Variants in COQ3 observed in about 807,000 individuals in gnomAD.
COQ3 encodes the protein coenzyme Q3, methyltransferase, also known as ubiquinone biosynthesis O-methyltransferase, mitochondrial.
A neutral mutation model predicts 33.1 loss-of-function variants in COQ3; 29 were observed. That is an observed-to-expected ratio of 0.88 (90% CI 0.65 to 1.19). The LOEUF (loss-of-function observed/expected upper bound fraction) is 1.19, where lower values mean the gene tolerates loss of function less well. Among genes scored for constraint, COQ3 ranks in the 50% most tolerant of loss-of-function variants. The pLI, the probability that COQ3 is intolerant of heterozygous loss-of-function variation, is 0.00. For synonymous variants in COQ3, 173 were observed against 157.8 expected, an observed-to-expected ratio of 1.10 and a Z score of -0.72; for missense variants, 437 against 430.7, an observed-to-expected ratio of 1.01 and a Z score of -0.13.
At chr6:99,393,971 C>A in intron 1 of COQ3, 103 bp downstream of exon 1, 3 of 926,832 alleles carry the variant, frequency 3.2e-6, no homozygotes, top group Admixed American at 1.9e-5. Flanking sequence ...GCTGACCCCT[C>A]GCGAGGTCCA....
chr6:99,384,311 ATT>A (rs1156756958), intron 1 of COQ3, among the ~76,000 whole-genome samples: 1 of 152,206 alleles, frequency 6.6e-6, no homozygotes, highest in African/African-American at 2.4e-5. Flanking sequence ...AAGGTCTTAC[ATT>A]CTGGTATCTA....
At chr6:99,375,453 G>A (rs1227337002) in intron 5 of COQ3, among the ~76,000 whole-genome samples, 1 of 149,410 alleles carries the variant, frequency 6.7e-6, no homozygotes, top group African/African-American at 2.5e-5. Context: ...ACACGATCTC[G>A]CCTCACTGCA....
rs779755806 is a variant in COQ3, at chr6:99,376,171, C to T, written c.498G>A (p.Arg166=). The T allele has an allele frequency of 6.2e-7, 1 of 1,613,806 alleles. No homozygotes were observed. The highest frequency in any genetic ancestry group is 8.5e-7 in the Non-Finnish European group (1 of 1,179,998). ...CGATTCCAATAACTGAAGCCCCAAGCCGCCCTAGAGGCTAATGGCATTAAA... is the reference window on the plus strand; with the variant it reads ...CGATTCCAATAACTGAAGCCCCAAGTCGCCCTAGAGGCTAATGGCATTAAA... The part of the protein sequence containing the change: ...GGGLLTEPLG[R]LGASVIGIDP... Residue 166 remains arginine, a synonymous_variant, in exon 5 of 7, where the codon CGG becomes CGA. Coordinates refer to ENST00000254759, the MANE Select transcript of COQ3 (RefSeq NM_017421.4).
intron 1 of COQ3, among the ~76,000 whole-genome samples, chr6:99,389,155 C>T (rs1774751782): frequency 6.6e-6 from 1 of 152,110 alleles, no homozygotes; most frequent in Non-Finnish European, 1.5e-5. Context: ...GGGTCTCTCA[C>T]TCTGTCGCCC....
Position 99,371,506 on chromosome 6 carries a change from C to A in COQ3, c.811G>T (p.Ala271Ser), listed in dbSNP as rs1407934707. Residue 271 changes from alanine to serine, a missense_variant, in exon 6 of 7, where the codon GCA becomes TCA. Transcript: ENST00000254759. ...ALGIVFSEQIASIVPKGTHTW... is the reference protein window; with the variant it reads ...ALGIVFSEQISSIVPKGTHTW... ...TGAGTACCTTTTGGTACAATACTTGCAATTTGCTCTGAAAAAACAATTCCC... is the reference window on the plus strand; with the variant it reads ...TGAGTACCTTTTGGTACAATACTTGAAATTTGCTCTGAAAAAACAATTCCC... 1 of 1,605,608 alleles carries A rather than the reference C, an allele frequency of 6.2e-7. No homozygotes were observed. Among genetic ancestry groups the A allele is most frequent in the Non-Finnish European group, 8.5e-7 (1 of 1,174,694 alleles).
At chr6:99,369,970 G>A in intron 6 of COQ3, 150 bp from the exon 7 acceptor site, 1 of 609,926 alleles carries the variant, frequency 1.6e-6, no homozygotes, top group East Asian at 2.8e-5. Context: ...TAACTTAATG[G>A]GCAAGCGTAT....
intron 4 of COQ3, 115 bp from the exon 5 acceptor site, chr6:99,376,297 C>T (rs1015548407): frequency 7.6e-6 from 8 of 1,053,260 alleles, no homozygotes; most frequent in East Asian, 2.5e-5. Flanking sequence ...TACTGGACAT[C>T]ATTTATGGGT....
chr6:99,388,248 T>C lies in COQ3; in HGVS notation c.107-4424A>G, dbSNP rs567083144. ...CAAAAAAGTCAGTCTTGTTTCTATA[T>C]ATTAACAATGAACAAGTGGAAGGCA... On this transcript the variant is annotated intron_variant, in intron 1 of 6. Coordinates refer to ENST00000254759, the MANE Select transcript of COQ3 (RefSeq NM_017421.4). Among the ~76,000 whole-genome samples, 45 of 152,304 alleles carry C rather than the reference T, an allele frequency of 3.0e-4. 2 individuals carry two copies. The highest frequency in any genetic ancestry group is 6.8e-3 in the Middle Eastern group (2 of 294).
intron 1 of COQ3, among the ~76,000 whole-genome samples, chr6:99,391,465 A>G (rs1464307855): frequency 2.0e-5 from 3 of 151,866 alleles, no homozygotes; most frequent in Non-Finnish European, 4.4e-5. Context: ...TTCAAATATC[A>G]CCTCCTGTAT....
intron 1 of COQ3, among the ~76,000 whole-genome samples, chr6:99,386,158 G>T (rs1477761652): frequency 6.6e-6 from 1 of 152,000 alleles, no homozygotes; most frequent in Admixed American, 6.6e-5. Flanking sequence ...AGCCGGGTGA[G>T]GGGGCTCACA....
At chr6:99,386,199 G>A (rs1774650451) in intron 1 of COQ3, among the ~76,000 whole-genome samples, 1 of 152,012 alleles carries the variant, frequency 6.6e-6, no homozygotes, top group African/African-American at 2.4e-5. Flanking sequence ...GGAGGCCAAG[G>A]CAAGTGGATC....
intron 1 of COQ3, among the ~76,000 whole-genome samples, chr6:99,384,816 A>G (rs1774572018): frequency 6.6e-6 from 1 of 152,156 alleles, no homozygotes; most frequent in African/African-American, 2.4e-5. Flanking sequence ...GCAATACTAA[A>G]TGTGTATGCA....
Position 99,371,574 on chromosome 6 carries a change from A to G in COQ3, c.743T>C (p.Leu248Ser), listed in dbSNP as rs1774146074. ...TGTTTTGTTGATTGTAGTAATGAATAAAGAACCACCGGGCTAAAAGAAATG... is the reference window on the plus strand; with the variant it reads ...TGTTTTGTTGATTGTAGTAATGAATGAAGAACCACCGGGCTAAAAGAAATG... The part of the protein sequence containing the change: ...CCQVLKPGGS[L>S]FITTINKTQL... Residue 248 changes from leucine to serine, a missense_variant, in exon 6 of 7, where the codon TTA (leucine) becomes TCA (serine). Transcript: ENST00000254759. 3 of 1,597,438 alleles carry G rather than the reference A, an allele frequency of 1.9e-6. No homozygotes were observed. In the Admixed American group the frequency reaches 5.3e-5, roughly 28 times the overall value.
At chr6:99,382,682 G>A (rs6570014) in intron 2 of COQ3, among the ~76,000 whole-genome samples, 70,655 of 151,684 alleles carry the variant, frequency 0.47, 16,855 homozygotes, top group Middle Eastern at 0.59. Context: ...GGCTGGGCGC[G>A]GTGGCTCATG....
chr6:99,377,544 C>T, intron 3 of COQ3, 59 bp from the exon 4 acceptor site: 2 of 1,223,278 alleles, frequency 1.6e-6, no homozygotes, highest in Non-Finnish European at 2.3e-6. Context: ...AACGAAAAGT[C>T]ACAAAGTGTG....
chr6:99,391,167 C>T (rs1003337109), intron 1 of COQ3, among the ~76,000 whole-genome samples: 9 of 151,356 alleles, frequency 5.9e-5, no homozygotes, highest in Non-Finnish European at 8.8e-5. Flanking sequence ...GGTGGGTTCA[C>T]GGCTCACTGT....
In COQ3 at chr6:99,376,195, A is replaced by G. The variant is rs1283232762; in HGVS notation, c.487-13T>C. 2.5e-6 allele frequency: 4 copies of G among 1,610,076 alleles called. No homozygotes were observed. Among genetic ancestry groups the G allele is most frequent in the Non-Finnish European group, 3.4e-6 (4 of 1,178,462 alleles). On this transcript the variant is annotated splice_polypyrimidine_tract_variant and intron_variant, in intron 4 of 6. Transcript: ENST00000254759. ...GCCGCCCTAGAGGCTAATGGCATTA[A>G]AAAAACTGTTACCCTCAGGAAGAAA... is the stretch of plus-strand genomic sequence containing the variant.
At chr6:99,392,960 T>A (rs2128474588) in intron 1 of COQ3, among the ~76,000 whole-genome samples, 1 of 152,286 alleles carries the variant, frequency 6.6e-6, no homozygotes, top group South Asian at 2.1e-4. Context: ...CAAATATGGA[T>A]TAAATGCTCC....
At chr6:99,388,934 C>T (rs1774744354) in intron 1 of COQ3, among the ~76,000 whole-genome samples, 1 of 112,574 alleles carries the variant, frequency 8.9e-6, no homozygotes, top group Non-Finnish European at 2.2e-5. Context: ...CACACACACA[C>T]CCACATCCTC....
Sources: gnomAD v4.1 joint callset for allele counts (sites outside exome capture counted in the v4.1 genomes callset) on GRCh38, gnomAD v4.1.1 for gene constraint, MANE v1.5 for transcripts, NCBI Gene and HGNC (gene_info 2026-07-23, HGNC 2026-07-21) for gene names.